Variants in PKIB observed in about 807,000 individuals in gnomAD.
The protein encoded by PKIB is cAMP-dependent protein kinase inhibitor beta, also known as PKI-beta.
A neutral mutation model predicts 4.5 loss-of-function variants in PKIB; 2 were observed. The observed-to-expected ratio is 0.44, with a 90% CI of 0.18 to 1.39. The LOEUF (loss-of-function observed/expected upper bound fraction) is 1.39, where lower values mean the gene tolerates loss of function less well. Among genes scored for constraint, PKIB ranks in the 40% most tolerant of loss-of-function variants. The pLI, the probability that PKIB is intolerant of heterozygous loss-of-function variation, is 0.27. For missense variants in PKIB, 94 were observed against 92.6 expected (o/e 1.02, Z -0.06); for synonymous variants, 38 against 36.0 (o/e 1.06, Z -0.20).
At chr6:122,474,616 A>G (rs1775405405) in intron 1 of PKIB, among the ~76,000 whole-genome samples, 1 of 152,228 alleles carries the variant, frequency 6.6e-6, no homozygotes, top group South Asian at 2.1e-4. Flanking sequence ...TCAATTAAGG[A>G]CAAGACATAG....
At chr6:122,701,272 G>T (rs963117405) in intron 3 of PKIB, 1 of 558,160 alleles carries the variant, frequency 1.8e-6, no homozygotes, top group African/African-American at 1.9e-5. Flanking sequence ...CTGCCTCTGC[G>T]CCTGTTCCAT....
intron 4 of PKIB, among the ~76,000 whole-genome samples, chr6:122,722,733 G>T (rs1426412753): frequency 6.6e-6 from 1 of 152,108 alleles, no homozygotes; most frequent in Non-Finnish European, 1.5e-5. Flanking sequence ...GATTGTTAGG[G>T]TGCAAATTCT....
At chr6:122,698,425 C>A (rs4613853) in intron 3 of PKIB, among the ~76,000 whole-genome samples, 150,494 of 152,282 alleles carry the variant, frequency 0.99, 74,385 homozygotes, top group South Asian at 1. Context: ...AATGCATTAC[C>A]AGGCATTGCA....
chr6:122,527,409 A>C (rs532478865), intron 2 of PKIB, among the ~76,000 whole-genome samples: 28 of 152,162 alleles, frequency 1.8e-4, no homozygotes, highest in African/African-American at 5.5e-4. Context: ...ATTAAGCTTA[A>C]TCATTTGTAG....
chr6:122,499,649 C>G (rs1776166354), intron 2 of PKIB, among the ~76,000 whole-genome samples: 1 of 152,072 alleles, frequency 6.6e-6, no homozygotes, highest in Admixed American at 6.5e-5. Flanking sequence ...AGAAATGGAA[C>G]AAGACAAGGA....
intron 2 of PKIB, among the ~76,000 whole-genome samples, chr6:122,506,152 C>CT (rs1582663868): frequency 6.6e-6 from 1 of 152,070 alleles, no homozygotes; most frequent in Non-Finnish European, 1.5e-5. Context: ...GGTATCCAAA[C>CT]TTTTTTTAAA....
At chr6:122,499,289 T>A (rs1776157131) in intron 2 of PKIB, among the ~76,000 whole-genome samples, 1 of 152,278 alleles carries the variant, frequency 6.6e-6, no homozygotes, top group South Asian at 2.1e-4. Flanking sequence ...ATATCCCTAA[T>A]GAATATAGGC....
rs542683848 is a variant in PKIB at position 122,653,736 on chromosome 6, G to A, written c.-76+20369G>A. Reference sequence around the variant, plus strand: ...AGCACTTTGGGAGGTCGAGGCGGGCGGATCATTTGAGGTCAGGAGTTCCAG... The same window carrying A: ...AGCACTTTGGGAGGTCGAGGCGGGCAGATCATTTGAGGTCAGGAGTTCCAG... On this transcript the variant is annotated intron_variant, in intron 2 of 4. Transcript: ENST00000368452. Among the ~76,000 whole-genome samples the A allele has an allele frequency of 1.5e-4, 23 of 152,016 alleles. No homozygotes were observed. In the East Asian group the frequency reaches 2.5e-3, roughly 17 times the overall value.
intron 2 of PKIB, chr6:122,480,920 A>G (rs996661487): frequency 3.8e-5 from 2 of 52,828 alleles, no homozygotes; most frequent in Admixed American, 2.8e-4. Flanking sequence ...TACAAAAATA[A>G]TCTTTTGTTC....
At chr6:122,595,505 G>GGTA (rs1774150947) in intron 3 of PKIB, among the ~76,000 whole-genome samples, 1 of 152,138 alleles carries the variant, frequency 6.6e-6, no homozygotes, top group Non-Finnish European at 1.5e-5. Flanking sequence ...TGGTAGTCTT[G>GGTA]GCAGAAGCAT....
intron 2 of PKIB, among the ~76,000 whole-genome samples, chr6:122,536,564 A>C (rs1203954740): frequency 2.0e-5 from 3 of 152,316 alleles, no homozygotes; most frequent in African/African-American, 7.2e-5. Context: ...ATAAACATAA[A>C]AATTCCTAAA....
At chr6:122,635,948 AT>A (rs1775902005) in intron 2 of PKIB, among the ~76,000 whole-genome samples, 1 of 152,158 alleles carries the variant, frequency 6.6e-6, no homozygotes, top group African/African-American at 2.4e-5. Context: ...AATTAATATC[AT>A]TTAACAAATT....
intron 2 of PKIB, among the ~76,000 whole-genome samples, chr6:122,657,263 T>C (rs1218769640): frequency 6.6e-6 from 1 of 152,190 alleles, no homozygotes; most frequent in Non-Finnish European, 1.5e-5. Flanking sequence ...CTTTATCCAA[T>C]AGGACTTGAG....
intron 2 of PKIB, among the ~76,000 whole-genome samples, chr6:122,582,216 G>A (rs1205210058): frequency 6.6e-6 from 1 of 151,924 alleles, no homozygotes; most frequent in East Asian, 1.9e-4. Context: ...TTCTTAAGCA[G>A]GGCTGGAATG....
chr6:122,557,679 C>T (rs1427781701), intron 2 of PKIB, among the ~76,000 whole-genome samples: 1 of 152,206 alleles, frequency 6.6e-6, no homozygotes, highest in Non-Finnish European at 1.5e-5. Flanking sequence ...TGTAAATCGA[C>T]AGAAGCCATA....
chr6:122,646,433 C>T (rs968322550), intron 2 of PKIB, among the ~76,000 whole-genome samples: 1 of 152,108 alleles, frequency 6.6e-6, no homozygotes, highest in African/African-American at 2.4e-5. Flanking sequence ...TGATCTTAGA[C>T]TTTATGTGTA....
At position 122,661,306 on chromosome 6, in the gene PKIB, A is replaced by G. The variant is rs116958239; in HGVS notation, c.-75-13772A>G. ...CCACAATCCATTTTAGGTCATTTTC[A>G]TCACCCCAGAGAGAAACCCTATAAA... On this transcript the variant is annotated intron_variant, in intron 2 of 4. Coordinates refer to ENST00000368452, the MANE Select transcript of PKIB (RefSeq NM_181795.3). 1.2e-3 allele frequency among the ~76,000 whole-genome samples: 185 copies of G among 152,288 alleles called. 3 individuals carry two copies. In the East Asian group the frequency reaches 0.02, roughly 17 times the overall value.
chr6:122,513,065 C>T (rs1776636961), intron 2 of PKIB, among the ~76,000 whole-genome samples: 1 of 152,180 alleles, frequency 6.6e-6, no homozygotes, highest in South Asian at 2.1e-4. Flanking sequence ...GTGGACACAT[C>T]ATCTTATTCC....
chr6:122,493,151 A>G (rs1189590085), intron 2 of PKIB: 2 of 152,262 alleles, frequency 1.3e-5, no homozygotes, highest in African/African-American at 4.8e-5. Context: ...GCATGATGCT[A>G]TGGTCTGAAT....
Sources: gnomAD v4.1 joint callset for allele counts (sites outside exome capture counted in the v4.1 genomes callset) on GRCh38, gnomAD v4.1.1 for gene constraint, MANE v1.5 for transcripts, NCBI Gene and HGNC (gene_info 2026-07-23, HGNC 2026-07-21) for gene names.